CPNE4: variants seen among roughly 807,000 people sequenced by gnomAD.
CPNE4 encodes copine 4.
A neutral mutation model predicts 67.9 loss-of-function variants in CPNE4; 25 were observed. The ratio of observed to expected loss-of-function variants is 0.37; its 90% CI spans 0.27 to 0.51. CPNE4 has a LOEUF of 0.51. Ranked by LOEUF, CPNE4 falls within the 20% of genes least tolerant of loss-of-function variation. The pLI is 0.93. For synonymous variants in CPNE4, 242 were observed against 244.9 expected (o/e 0.99, Z 0.11); for missense variants, 464 against 690.8 (o/e 0.67, Z 3.68).
rs149167592 is a variant in CPNE4 at position 131,868,167 on chromosome 3, T to C, written c.180+37097A>G. Among the ~76,000 whole-genome samples, 710 of 152,288 alleles carry C rather than the reference T, an allele frequency of 4.7e-3. 5 individuals are homozygous for C. Among genetic ancestry groups the C allele is most frequent in the South Asian group, 8.5e-3 (41 of 4,828 alleles). ...AAGATTTGTTAATTGTCCCCTGATG[T>C]CATTTCTTTTGTCTTAAATAGGTCC... is the stretch of plus-strand genomic sequence containing the variant. On this transcript the variant is annotated intron_variant, in intron 2 of 15. Coordinates refer to ENST00000429747, the MANE Select transcript of CPNE4 (RefSeq NM_130808.3).
chr3:131,792,646 T>TATATACATATACACAC (rs1241049116), intron 2 of CPNE4, among the ~76,000 whole-genome samples: 1 of 72,920 alleles, frequency 1.4e-5, no homozygotes, highest in Non-Finnish European at 2.8e-5. Flanking sequence ...CGTGTATATA[T>TATATACATATACACAC]GTATATATAC....
intron 2 of CPNE4, among the ~76,000 whole-genome samples, chr3:131,867,330 C>A (rs567683134): frequency 1.3e-5 from 2 of 152,070 alleles, no homozygotes; most frequent in South Asian, 2.1e-4. Context: ...AAAGTGAGAA[C>A]CCTGGATCCA....
At chr3:132,035,538 C>A (rs1471597412), upstream of CPNE4, 1 of 152,128 alleles carries the variant, frequency 6.6e-6, no homozygotes, top group Non-Finnish European at 1.5e-5. Flanking sequence ...ATCTACCTCA[C>A]AAATAAGATA....
At chr3:131,594,706 A>G (rs1938738218) in intron 7 of CPNE4, among the ~76,000 whole-genome samples, 1 of 152,268 alleles carries the variant, frequency 6.6e-6, no homozygotes, top group African/African-American at 2.4e-5. Flanking sequence ...GTAGGACTAC[A>G]TCAAACTAAA....
At chr3:131,888,933 C>A (rs1366095156) in intron 2 of CPNE4, among the ~76,000 whole-genome samples, 1 of 152,074 alleles carries the variant, frequency 6.6e-6, no homozygotes, top group Non-Finnish European at 1.5e-5. Flanking sequence ...TTGGGTTGGC[C>A]AGCAGACCAA....
At chr3:131,951,142 C>T (rs2071709061) in intron 1 of CPNE4, among the ~76,000 whole-genome samples, 1 of 152,068 alleles carries the variant, frequency 6.6e-6, no homozygotes, top group Non-Finnish European at 1.5e-5. Flanking sequence ...GAATTAACAT[C>T]ATTAAAAGAA....
chr3:131,848,956 CAAAAAAAAAAA>C (rs67407668), intron 2 of CPNE4, among the ~76,000 whole-genome samples: 19 of 79,632 alleles, frequency 2.4e-4, no homozygotes, highest in East Asian at 3.7e-4. Context: ...GTAGTGATTA[CAAAAAAAAAAA>C]AAAAAAAAAA....
At chr3:131,796,618 G>A (rs913986903) in intron 2 of CPNE4, among the ~76,000 whole-genome samples, 1 of 152,172 alleles carries the variant, frequency 6.6e-6, no homozygotes, top group African/African-American at 2.4e-5. Flanking sequence ...CTCCTCCCCA[G>A]GGTCCCCCTT....
chr3:131,983,576 G>C (rs1362062238), intron 1 of CPNE4, among the ~76,000 whole-genome samples: 1 of 152,080 alleles, frequency 6.6e-6, no homozygotes, highest in Non-Finnish European at 1.5e-5. Context: ...CCAATACTTT[G>C]TATAAGGGTA....
At chr3:131,933,649 GAATA>G (rs568793171) in intron 1 of CPNE4, among the ~76,000 whole-genome samples, 236 of 152,108 alleles carry the variant, frequency 1.6e-3, no homozygotes, top group Admixed American at 5.1e-3. Context: ...ATCAATGGAT[GAATA>G]AATAAAGGAA....
At chr3:131,801,765 G>C (rs2084139455) in intron 2 of CPNE4, among the ~76,000 whole-genome samples, 1 of 150,012 alleles carries the variant, frequency 6.7e-6, no homozygotes, top group African/African-American at 2.4e-5. Flanking sequence ...ATTTTCTCAG[G>C]CTTCTGAGTG....
At chr3:131,677,780 CAT>C (rs1287618957) in intron 6 of CPNE4, among the ~76,000 whole-genome samples, 1 of 152,060 alleles carries the variant, frequency 6.6e-6, no homozygotes, top group East Asian at 1.9e-4. Flanking sequence ...TATTCTGTTC[CAT>C]TGGTCTATGT....
intron 1 of CPNE4, among the ~76,000 whole-genome samples, chr3:131,997,776 AC>A (rs2073332302): frequency 6.6e-6 from 1 of 152,148 alleles, no homozygotes; most frequent in African/African-American, 2.4e-5. Context: ...ATTGATGGCA[AC>A]AAAGCGGCCA....
intron 2 of CPNE4, among the ~76,000 whole-genome samples, chr3:131,807,695 T>A (rs1177626371): frequency 1.3e-5 from 2 of 152,174 alleles, no homozygotes; most frequent in African/African-American, 2.4e-5. Context: ...GCCATTAATA[T>A]CTTAATCTGA....
rs766680720 is a variant in CPNE4 at position 132,014,011 on chromosome 3, T to C, written c.-2+20556A>G. Among the ~76,000 whole-genome samples the C allele has an allele frequency of 4.1e-4, 62 of 152,136 alleles. 1 individual carries two copies. Among genetic ancestry groups the C allele is most frequent in the Non-Finnish European group, 2.1e-4 (14 of 68,022 alleles). ...AGGAGGGAAAAAAACAAACAAAGTCTGAGTTGAAGCTCAGCCAAATTGTGC... is the reference window on the plus strand; with the variant it reads ...AGGAGGGAAAAAAACAAACAAAGTCCGAGTTGAAGCTCAGCCAAATTGTGC... On this transcript the variant is annotated intron_variant, in intron 1 of 15. Coordinates refer to ENST00000429747, the MANE Select transcript of CPNE4 (RefSeq NM_130808.3).
intron 2 of CPNE4, among the ~76,000 whole-genome samples, chr3:131,861,744 A>AT (rs2086697549): frequency 6.6e-6 from 1 of 150,472 alleles, no homozygotes; most frequent in African/African-American, 2.4e-5. Flanking sequence ...AGGATATCTC[A>AT]TCTTTTTAAA....
At chr3:131,785,671 T>TTTC (rs2083541970) in intron 2 of CPNE4, among the ~76,000 whole-genome samples, 1 of 142,744 alleles carries the variant, frequency 7.0e-6, no homozygotes, top group Non-Finnish European at 1.5e-5. Flanking sequence ...CTTTCTCTCT[T>TTTC]TCTCTCTCTC....
At chr3:131,663,519 GAA>G (rs533061468) in intron 7 of CPNE4, among the ~76,000 whole-genome samples, 1 of 150,454 alleles carries the variant, frequency 6.6e-6, no homozygotes, top group Admixed American at 6.6e-5. Context: ...AAACTTAAAG[GAA>G]AAAAAAAGAC....
chr3:131,535,316 G>A lies in CPNE4; in HGVS notation c.1553C>T (p.Ala518Val), dbSNP rs1935074128. The change falls in exon 16 of 16, where the codon GCC (alanine) becomes GTC (valine). Residue 518 changes from alanine (A) to valine (V), a missense_variant. Ala to Val is a moderately conservative substitution (Grantham distance 64). Transcript: ENST00000429747. ...TTCAGCCAGCACGCTCTTTGCCAGG[G>A]CAGCTGGAGATGCCTGCAGGGAAGA... ...FRNFKHASPAALAKSVLAEVP... is the reference protein window; with the variant it reads ...FRNFKHASPAVLAKSVLAEVP... The A allele has an allele frequency of 1.2e-6, 2 of 1,613,226 alleles. No individual in the cohort carries two copies. Among genetic ancestry groups the A allele is most frequent in the Non-Finnish European group, 1.7e-6 (2 of 1,179,816 alleles).
Sources: allele counts gnomAD v4.1 joint callset (sites outside exome capture counted in the v4.1 genomes callset), GRCh38; gene constraint gnomAD v4.1.1; transcripts MANE v1.5; gene names NCBI Gene and HGNC (gene_info 2026-07-23, HGNC 2026-07-21).